The following MYT1L variants were observed in gnomAD, a reference collection of about 807,000 sequenced individuals.
MYT1L encodes myelin transcription factor 1 like, also known as myelin transcription factor 1-like protein.
MYT1L carries 12 observed loss-of-function variants against 126.7 expected under a neutral mutation model. The observed-to-expected ratio is 0.09, with a 90% confidence interval of 0.06 to 0.15. The LOEUF is 0.15. Ranked by LOEUF, MYT1L falls within the 10% of genes least tolerant of loss-of-function variation. The pLI is 1.00. For missense variants in MYT1L, 979 were observed against 1,585.2 expected (o/e 0.62, Z 6.49); for synonymous variants, 541 against 604.2 (o/e 0.90, Z 1.53).
In MYT1L at chr2:2,002,487, T is replaced by C. The variant is rs560846461; in HGVS notation, c.-157-5140A>G. Among the ~76,000 whole-genome samples, 74 of 152,314 alleles carry C rather than the reference T, an allele frequency of 4.9e-4. 3 individuals are homozygous for C. In the South Asian group the frequency reaches 0.015, roughly 30 times the overall value. On this transcript the variant is annotated intron_variant, in intron 4 of 24. Transcript: ENST00000647738. Reference sequence around the variant, plus strand: ...TCTGTCATTGGATGCCACTGGTAAGTGTCAGGCCACTGTTGTGCTCCAGGT... The same window carrying C: ...TCTGTCATTGGATGCCACTGGTAAGCGTCAGGCCACTGTTGTGCTCCAGGT...
At chr2:1,807,871 A>G (rs2035963416) in intron 22 of MYT1L, among the ~76,000 whole-genome samples, 2 of 152,158 alleles carry the variant, frequency 1.3e-5, no homozygotes, top group African/African-American at 2.4e-5. Flanking sequence ...ATCTTGAATT[A>G]TAGTTCCCAT....
chr2:1,912,508 A>G lies in MYT1L; in HGVS notation c.1619-398T>C, dbSNP rs534588390. Among the ~76,000 whole-genome samples, 79 of 152,318 alleles carry G rather than the reference A, an allele frequency of 5.2e-4. No homozygotes were observed. The highest frequency in any genetic ancestry group is 1.9e-3 in the African/African-American group (79 of 41,590). ...TCACAGATATTACCCATGCACAAGC[A>G]TGGAGTATTGATTAGCCATAGAACA... On this transcript the variant is annotated intron_variant, in intron 11 of 24. Coordinates refer to ENST00000647738, the MANE Select transcript of MYT1L (RefSeq NM_001303052.2). The surrounding 1 kb of genome is among the most constrained non-coding windows in gnomAD (Gnocchi z 4.3).
chr2:2,210,115 T>C (rs540835160), intron 2 of MYT1L, among the ~76,000 whole-genome samples: 3 of 152,334 alleles, frequency 2.0e-5, no homozygotes, highest in East Asian at 3.9e-4. Flanking sequence ...TCCATTCAGA[T>C]CTTTTGTCCA....
At chr2:2,304,342 C>T (rs1022936420) in intron 1 of MYT1L, among the ~76,000 whole-genome samples, 20 of 151,030 alleles carry the variant, frequency 1.3e-4, no homozygotes, top group African/African-American at 4.6e-4. Context: ...GTAGATAAGG[C>T]TAGCTATTGG....
At chr2:2,038,886 C>A (rs1207600962) in intron 4 of MYT1L, among the ~76,000 whole-genome samples, 21 of 152,254 alleles carry the variant, frequency 1.4e-4, no homozygotes, top group Admixed American at 1.4e-3. Flanking sequence ...TATGTTCAGG[C>A]ATCACTCTTT....
intron 2 of MYT1L, among the ~76,000 whole-genome samples, chr2:2,280,811 A>AG (rs1424389099): frequency 6.6e-6 from 1 of 152,176 alleles, no homozygotes; most frequent in Non-Finnish European, 1.5e-5. Context: ...CAGAACACCA[A>AG]GCACAAAATT....
intron 3 of MYT1L, among the ~76,000 whole-genome samples, chr2:2,169,230 C>T (rs528810732): frequency 4.6e-5 from 7 of 152,192 alleles, no homozygotes; most frequent in African/African-American, 1.7e-4. Context: ...CTTACAGGAA[C>T]AGCAGACCTT....
intron 1 of MYT1L, among the ~76,000 whole-genome samples, chr2:2,287,248 T>G (rs975217290): frequency 7.9e-5 from 12 of 151,808 alleles, no homozygotes; most frequent in African/African-American, 2.9e-4. Flanking sequence ...AGAGCGAAAC[T>G]CCGTCTGAAA....
Position 2,151,328 on chromosome 2 carries a change from TAGTC to T in MYT1L, c.-304+21540_-304+21543del, listed in dbSNP as rs1250760399. On this transcript the variant is annotated intron_variant, in intron 3 of 24. Coordinates refer to ENST00000647738, the MANE Select transcript of MYT1L (RefSeq NM_001303052.2). ...GACAGGAGGAGGAAAACAAAATCTATAGTCAGTCAGTAAGTACATGCAGCTTACT... is the reference window on the plus strand; with the variant it reads ...GACAGGAGGAGGAAAACAAAATCTATAGTCAGTAAGTACATGCAGCTTACT... Among the ~76,000 whole-genome samples the T allele has an allele frequency of 7.9e-5, 12 of 152,164 alleles. No homozygotes were observed. The South Asian group carries it at 8.3e-4, about 11-fold the overall frequency.
intron 18 of MYT1L, among the ~76,000 whole-genome samples, chr2:1,881,139 G>A (rs1358902961): frequency 2.0e-5 from 3 of 152,186 alleles, no homozygotes; most frequent in Non-Finnish European, 4.4e-5. Context: ...CAGGCTTACT[G>A]TGAGAGGAGG....
chr2:2,193,025 C>T (rs1424372666), intron 2 of MYT1L, among the ~76,000 whole-genome samples: 1 of 152,108 alleles, frequency 6.6e-6, no homozygotes, highest in Non-Finnish European at 1.5e-5. Flanking sequence ...TGCAGTGGCG[C>T]AATTTCAACT....
At chr2:2,093,641 G>A (rs956895107) in intron 3 of MYT1L, among the ~76,000 whole-genome samples, 4 of 152,098 alleles carry the variant, frequency 2.6e-5, no homozygotes, top group African/African-American at 7.2e-5. Flanking sequence ...TCTGTAGGTT[G>A]CCTGTTCACT....
intron 8 of MYT1L, among the ~76,000 whole-genome samples, chr2:1,965,837 G>A (rs2059312059): frequency 6.6e-6 from 1 of 152,244 alleles, no homozygotes; most frequent in Non-Finnish European, 1.5e-5. Flanking sequence ...CCCTGTCTGG[G>A]CAGCGGACAA....
chr2:2,098,001 T>C (rs1269311626), intron 3 of MYT1L, among the ~76,000 whole-genome samples: 2 of 152,222 alleles, frequency 1.3e-5, no homozygotes, highest in African/African-American at 4.8e-5. Flanking sequence ...GCTTCCACTC[T>C]TGCCATATAG....
At chr2:2,034,311 C>T (rs56119316) in intron 4 of MYT1L, among the ~76,000 whole-genome samples, 9 of 149,378 alleles carry the variant, frequency 6.0e-5, no homozygotes, top group Non-Finnish European at 8.9e-5. Context: ...CCTCCCAATG[C>T]GGGTGCAGAA....
chr2:2,007,987 G>A (rs764885084), intron 4 of MYT1L, among the ~76,000 whole-genome samples: 3 of 152,152 alleles, frequency 2.0e-5, no homozygotes, highest in South Asian at 2.1e-4. Flanking sequence ...CCATTATTCC[G>A]GAGGTCCTGC....
chr2:1,961,294 C>T (rs1357301267), intron 8 of MYT1L, among the ~76,000 whole-genome samples: 1 of 152,204 alleles, frequency 6.6e-6, no homozygotes, highest in Non-Finnish European at 1.5e-5. Flanking sequence ...CACACTTGTG[C>T]CCCTCAATCT....
At position 1,966,506 on chromosome 2, in the gene MYT1L, C is replaced by T. The variant is rs1205698003; in HGVS notation, c.152+12659G>A. Among the ~76,000 whole-genome samples the T allele has an allele frequency of 2.6e-5, 4 of 152,092 alleles. No individual in the cohort carries two copies. In the East Asian group the frequency reaches 5.8e-4, roughly 22 times the overall value. ...GAGAGAGGCTCTTCTGGAAACAGAA[C>T]CCTCCATGCCCTCCCCTCCCTCACC... is the stretch of plus-strand genomic sequence containing the variant. On this transcript the variant is annotated intron_variant, in intron 8 of 24. Transcript: ENST00000647738.
At chr2:2,315,168 T>C (rs1262130366) in intron 1 of MYT1L, among the ~76,000 whole-genome samples, 3 of 152,208 alleles carry the variant, frequency 2.0e-5, no homozygotes, top group Admixed American at 6.5e-5. Context: ...TTTGGGGGAA[T>C]TGTTGATATT....
Sources: gnomAD v4.1 joint callset for allele counts (sites outside exome capture counted in the v4.1 genomes callset) on GRCh38, gnomAD v4.1.1 for gene constraint, Gnocchi (gnomAD v3.1) non-coding constraint, MANE v1.5 for transcripts, NCBI Gene and HGNC (gene_info 2026-07-23, HGNC 2026-07-21) for gene names.